Variants in PIK3C2A observed in about 807,000 individuals in gnomAD.
PIK3C2A encodes phosphatidylinositol 4-phosphate 3-kinase C2 domain-containing subunit alpha.
PIK3C2A carries 97 observed loss-of-function variants against 204.5 expected under a neutral mutation model. That is an observed-to-expected ratio of 0.47 (90% CI 0.40 to 0.56). The LOEUF (loss-of-function observed/expected upper bound fraction) is 0.56, where lower values mean the gene tolerates loss of function less well. Among genes scored for constraint, PIK3C2A ranks in the 20% least tolerant of loss-of-function variants. The pLI, the probability that PIK3C2A is intolerant of heterozygous loss-of-function variation, is 0.00. For missense variants in PIK3C2A, 1,735 were observed against 1,969.2 expected (o/e 0.88, Z 2.25); for synonymous variants, 653 against 664.4 (o/e 0.98, Z 0.26).
chr11:17,173,045 A>T (rs1851229092), intron 1 of PIK3C2A, among the ~76,000 whole-genome samples: 1 of 152,200 alleles, frequency 6.6e-6, no homozygotes, highest in Non-Finnish European at 1.5e-5. Context: ...TTCAGGGCCC[A>T]ATTCAAATAC....
chr11:17,095,279 A>G (rs1848418996), intron 27 of PIK3C2A, among the ~76,000 whole-genome samples: 3 of 151,920 alleles, frequency 2.0e-5, no homozygotes, highest in Non-Finnish European at 4.4e-5. Flanking sequence ...AAGTAGAAAT[A>G]AAAATAGTCC....
Position 17,168,895 on chromosome 11 carries a change from T to A in PIK3C2A, c.847A>T (p.Asn283Tyr), listed in dbSNP as rs935486380. The change falls in exon 2 of 33, where the codon AAT (asparagine) becomes TAT (tyrosine). Residue 283 changes from asparagine to tyrosine, a missense_variant. By Grantham distance (143) the Asn-to-Tyr change is moderately radical (BLOSUM62 -2). Transcript: ENST00000691414. ...LDPLSKPKVD[N>Y]VEVLDHEEEK... ...TCCTCATGGTCTAATACCTCCACATTATCCACCTTAGGCTTACTTAGAGGA... is the reference window on the plus strand; with the variant it reads ...TCCTCATGGTCTAATACCTCCACATAATCCACCTTAGGCTTACTTAGAGGA... The A allele has an allele frequency of 5.0e-6, 8 of 1,614,000 alleles. No homozygotes were observed. Among genetic ancestry groups the A allele is most frequent in the Non-Finnish European group, 5.9e-6 (7 of 1,179,982 alleles).
At chr11:17,093,353 A>G (rs1320893511) in intron 28 of PIK3C2A, among the ~76,000 whole-genome samples, 3 of 152,090 alleles carry the variant, frequency 2.0e-5, no homozygotes, top group African/African-American at 4.8e-5. Flanking sequence ...TGCAAGCTCC[A>G]CCTTCTGGGT....
chr11:17,114,402 G>A lies in PIK3C2A; in HGVS notation c.3280C>T (p.Pro1094Ser), dbSNP rs747272296. The stretch of plus-strand genomic sequence containing the variant: ...TTTGCCACTAGACTTGGCTTGAGAG[G>A]GAGACGGCATTTATTTTTCTGAAAA... Reference protein sequence around the residue: ...SFFQKNKCRLPLKPSLVAKEL... With the variant: ...SFFQKNKCRLSLKPSLVAKEL... Residue 1094 changes from proline to serine, a missense_variant, in exon 20 of 33, where the codon CCT becomes TCT. Coordinates refer to ENST00000691414, the MANE Select transcript of PIK3C2A (RefSeq NM_002645.4). 1.3e-6 allele frequency: 2 copies of A among 1,593,712 alleles called. No homozygotes were observed. The highest frequency in any genetic ancestry group is 2.2e-5 in the South Asian group (2 of 90,650).
intron 19 of PIK3C2A, among the ~76,000 whole-genome samples, chr11:17,116,237 T>C (rs1003337299): frequency 6.6e-6 from 1 of 152,136 alleles, no homozygotes; most frequent in Non-Finnish European, 1.5e-5. Context: ...GACAAAGGAC[T>C]TTGAATAGAT....
intron 30 of PIK3C2A, 110 bp from the exon 31 acceptor site, chr11:17,091,766 G>T: frequency 1.3e-6 from 1 of 754,768 alleles, no homozygotes; most frequent in Non-Finnish European, 2.2e-6. Context: ...GGACAGAAGG[G>T]AGGGGAAAAA....
chr11:17,131,503 G>C (rs1849693111), intron 12 of PIK3C2A, among the ~76,000 whole-genome samples: 1 of 145,930 alleles, frequency 6.9e-6, no homozygotes, highest in South Asian at 2.2e-4. Flanking sequence ...CTCACTGAAA[G>C]CTCTGCCTCC....
chr11:17,108,596 A>G (rs531785486), intron 22 of PIK3C2A, among the ~76,000 whole-genome samples: 1 of 152,286 alleles, frequency 6.6e-6, no homozygotes, highest in African/African-American at 2.4e-5. Context: ...AGCCTGTATG[A>G]CAGACAGAGT....
At chr11:17,201,536 AAAAAAAAG>A (rs200680031) in intron 1 of PIK3C2A, among the ~76,000 whole-genome samples, 42,707 of 106,198 alleles carry the variant, frequency 0.4, 5,858 homozygotes, top group East Asian at 0.66. Context: ...AAAAAAAAAA[AAAAAAAAG>A]AAAAAAGAAA....
intron 1 of PIK3C2A, chr11:17,193,862 GAAA>G (rs998963667): frequency 9.1e-6 from 1 of 109,806 alleles, no homozygotes; most frequent in African/African-American, 4.2e-5. Context: ...GAAAAGAAAA[GAAA>G]AGAAAAGAAA....
intron 1 of PIK3C2A, chr11:17,193,874 A>AGGGGAGGGGAGGGG (rs1565305818): frequency 1.8e-5 from 2 of 111,060 alleles, no homozygotes; most frequent in Admixed American, 1.3e-4. Context: ...AAAGAAAAGA[A>AGGGGAGGGGAGGGG]AAGAAAAGAA....
Position 17,169,298 on chromosome 11 carries a change from C to A in PIK3C2A, c.444G>T (p.Gly148=), listed in dbSNP as rs1421213662. 5 of 1,613,956 alleles carry A rather than the reference C, an allele frequency of 3.1e-6. No individual in the cohort carries two copies. Among genetic ancestry groups the A allele is most frequent in the African/African-American group, 1.3e-5 (1 of 74,908 alleles). The change falls in exon 2 of 33, where the codon GGG becomes GGT. Residue 148 remains glycine (G), a synonymous_variant. Transcript: ENST00000691414. ...QRGQWPPGLP[G]PSTYALPSIY... ...TAGAAGGTAAAGCATAAGTGGAAGG[C>A]CCAGGTAATCCAGGTGGCCACTGTC...
chr11:17,181,603 AATATATATATATATATATAT>A lies in PIK3C2A; in HGVS notation c.-65-11817_-65-11798del, dbSNP rs148434889. Among the ~76,000 whole-genome samples the A allele has an allele frequency of 2.6e-3, 267 of 101,576 alleles. 7 individuals are homozygous for A. Among genetic ancestry groups the A allele is most frequent in the Admixed American group, 3.2e-3 (30 of 9,312 alleles). 66.6% of individuals were successfully genotyped at this position (101,576 alleles called of 152,430 possible). ...GCAACATGGTGAGATCCCATTTTTA[AATATATATATATATATATAT>A]ATATATATATATATATATATATATA... On this transcript the variant is annotated intron_variant, in intron 1 of 32. Transcript: ENST00000691414.
chr11:17,163,034 C>A (rs771681369), intron 2 of PIK3C2A, among the ~76,000 whole-genome samples: 2 of 152,064 alleles, frequency 1.3e-5, no homozygotes, highest in African/African-American at 4.8e-5. Flanking sequence ...TGGCCAGGCA[C>A]GGTGGCCACG....
At chr11:17,194,469 A>C in intron 1 of PIK3C2A, 1 of 158,352 alleles carries the variant, frequency 6.3e-6, no homozygotes, top group Non-Finnish European at 1.4e-5. Flanking sequence ...AAACTAACAA[A>C]TGAGGACTTT....
chr11:17,137,584 T>C (rs936131628), intron 8 of PIK3C2A, among the ~76,000 whole-genome samples: 9 of 151,972 alleles, frequency 5.9e-5, no homozygotes, highest in Admixed American at 5.9e-4. Context: ...AATTTTTGTA[T>C]TTTTAGTAGA....
intron 1 of PIK3C2A, among the ~76,000 whole-genome samples, chr11:17,202,102 A>C (rs1852407676): frequency 6.6e-6 from 1 of 152,042 alleles, no homozygotes; most frequent in Admixed American, 6.6e-5. Context: ...CCAAAAATAC[A>C]AAAATTATCC....
At chr11:17,091,136 G>A (rs956571772) in intron 32 of PIK3C2A, among the ~76,000 whole-genome samples, 198 bp downstream of exon 32, 1 of 152,086 alleles carries the variant, frequency 6.6e-6, no homozygotes, top group Non-Finnish European at 1.5e-5. Flanking sequence ...TGGGATGGTG[G>A]GAGGGAGAGC....
At chr11:17,178,743 G>A (rs1411712461) in intron 1 of PIK3C2A, among the ~76,000 whole-genome samples, 1 of 111,720 alleles carries the variant, frequency 9.0e-6, no homozygotes, top group Non-Finnish European at 1.8e-5. Context: ...TTTTTTTTGA[G>A]ACGGAGTCTC....
Sources: gnomAD v4.1 joint callset for allele counts (sites outside exome capture counted in the v4.1 genomes callset) on GRCh38, gnomAD v4.1.1 for gene constraint, MANE v1.5 for transcripts, NCBI Gene and HGNC (gene_info 2026-07-23, HGNC 2026-07-21) for gene names.